USP45: variants seen among roughly 807,000 people sequenced by gnomAD.
USP45 encodes ubiquitin specific peptidase 45.
USP45 carries 89 observed loss-of-function variants against 95.8 expected under a neutral mutation model. The observed-to-expected ratio is 0.93, with a 90% CI of 0.78 to 1.11. The LOEUF (loss-of-function observed/expected upper bound fraction) is 1.11, where lower values mean the gene tolerates loss of function less well. Ranked by LOEUF, USP45 falls within the 50% of genes least tolerant of loss-of-function variation. USP45 has a pLI of 0.00. For synonymous variants in USP45, 281 were observed against 316.2 expected (o/e 0.89, Z 1.18); for missense variants, 898 against 942.5 (o/e 0.95, Z 0.62).
chr6:99,479,500 C>G (rs964741069), intron 8 of USP45, among the ~76,000 whole-genome samples: 27 of 150,858 alleles, frequency 1.8e-4, no homozygotes, highest in African/African-American at 5.6e-4. Context: ...TGTGTCTGGC[C>G]CCAGTAGTAC....
In USP45 at chr6:99,445,830, T is replaced by G; in HGVS notation, c.1942A>C (p.Lys648Gln). The change falls in exon 14 of 18, where the codon AAA (lysine) becomes CAA (glutamine). Residue 648 changes from lysine to glutamine, a missense_variant. Transcript: ENST00000500704. The stretch of plus-strand genomic sequence containing the variant: ...CTGGTTTCTTCTTGGTACTTCTGTT[T>G]GTTTTTAGTACAATTCTCACATAGA... ...KLLCENCTKN[K>Q]QKYQEETSFA... is the part of the protein sequence containing the mutation. The G allele has an allele frequency of 6.3e-7, 1 of 1,585,262 alleles. No individual in the cohort carries two copies.
At chr6:99,512,578 C>T (rs1458615223) in intron 1 of USP45, among the ~76,000 whole-genome samples, 1 of 152,186 alleles carries the variant, frequency 6.6e-6, no homozygotes, top group Non-Finnish European at 1.5e-5. Context: ...TCGCAATTTT[C>T]ATGGTTGCTG....
intron 7 of USP45, 116 bp downstream of exon 7, chr6:99,488,083 AT>A (rs1475858713): frequency 1.1e-5 from 7 of 659,774 alleles, no homozygotes; most frequent in Admixed American, 3.3e-5. Context: ...CTTTTAAATT[AT>A]TTTTAAGCCC....
At position 99,440,380 on chromosome 6, in the gene USP45, A is replaced by G. The variant is rs528052984; in HGVS notation, c.2074-525T>C. On this transcript the variant is annotated intron_variant, in intron 15 of 17. Transcript: ENST00000500704. ...CTATATATTACATCAATAAAATTGT[A>G]CTTTTATGTTCTTAAATATGCTCTC... Among the ~76,000 whole-genome samples the G allele has an allele frequency of 2.3e-3, 344 of 152,346 alleles. 1 individual carries two copies. The highest frequency in any genetic ancestry group is 8.0e-3 in the African/African-American group (333 of 41,582).
rs185417836 is a variant in USP45 at position 99,466,263 on chromosome 6, G to A, written c.1107+409C>T. Among the ~76,000 whole-genome samples, 19 of 152,146 alleles carry A rather than the reference G, an allele frequency of 1.2e-4. No homozygotes were observed. In the East Asian group the frequency reaches 2.9e-3, roughly 23 times the overall value. ...TTGAATTCCTGACCTCAAGTGATCC[G>A]CCGGCCTTGGCCTCCCAAAGTACTG... On this transcript the variant is annotated intron_variant, in intron 11 of 17. Transcript: ENST00000500704.
chr6:99,452,993 CAGGA>C (rs1784224345), intron 13 of USP45, among the ~76,000 whole-genome samples: 1 of 151,786 alleles, frequency 6.6e-6, no homozygotes, highest in African/African-American at 2.4e-5. Context: ...CACTTGGACA[CAGGA>C]AGGGGAAGAT....
chr6:99,502,626 T>G (rs1797632132), intron 5 of USP45, among the ~76,000 whole-genome samples: 1 of 152,228 alleles, frequency 6.6e-6, no homozygotes, highest in African/African-American at 2.4e-5. Flanking sequence ...CAAGTACTGA[T>G]ATGGTTTGGA....
Position 99,503,797 on chromosome 6 carries a change from AAATC to A in USP45, c.442_445del (p.Asp148PhefsTer18). The A allele has an allele frequency of 6.2e-7, 1 of 1,602,480 alleles. No individual in the cohort carries two copies. Among genetic ancestry groups the A allele is most frequent in the South Asian group, 1.1e-5 (1 of 87,774 alleles). ...TGTTTTAGAAGCATGTTTCTGGAGA[AAATC>A]AACTATCTGAGCCAAAACCTTCTTA... On this transcript the variant is annotated frameshift_variant, in exon 5 of 18. Transcript: ENST00000500704. LOFTEE classifies it high-confidence loss of function.
rs1271341711 is a variant in USP45 at position 99,488,277 on chromosome 6, T to C, written c.637A>G (p.Thr213Ala). The C allele has an allele frequency of 1.2e-6, 2 of 1,608,124 alleles. No individual in the cohort carries two copies. Among genetic ancestry groups the C allele is most frequent in the Non-Finnish European group, 1.7e-6 (2 of 1,178,170 alleles). ...AVMQNLAQTY[T>A]LTDLMNEIKE... ...ATCTCATTCATCAGATCAGTAAGAG[T>C]ATAAGTCTGTGCCAAGTTCTAAAAG... is the stretch of plus-strand genomic sequence containing the variant. Residue 213 changes from threonine (T) to alanine (A), a missense_variant, in exon 7 of 18, where the codon ACT (threonine) becomes GCT (alanine). Thr to Ala is a moderately conservative substitution (Grantham distance 58). Coordinates refer to ENST00000500704, the MANE Select transcript of USP45 (RefSeq NM_001346022.3).
chr6:99,504,569 A>G (rs751485079), intron 4 of USP45, among the ~76,000 whole-genome samples: 78 of 152,200 alleles, frequency 5.1e-4, no homozygotes, highest in Non-Finnish European at 9.7e-4. Context: ...CATTCTTTAT[A>G]TACATATTTG....
intron 8 of USP45, among the ~76,000 whole-genome samples, chr6:99,479,601 CA>C (rs34635892): frequency 2.7e-4 from 32 of 117,048 alleles, no homozygotes; most frequent in African/African-American, 8.2e-4. Context: ...TTCCAACAGA[CA>C]AAAAAAAAAA....
intron 5 of USP45, among the ~76,000 whole-genome samples, chr6:99,503,555 C>A (rs1379557598): frequency 6.6e-6 from 1 of 152,104 alleles, no homozygotes; most frequent in Non-Finnish European, 1.5e-5. Context: ...TGCTCTCAAA[C>A]CCTTGACCTC....
At chr6:99,460,574 G>A (rs1190737943) in intron 13 of USP45, among the ~76,000 whole-genome samples, 1 of 152,092 alleles carries the variant, frequency 6.6e-6, no homozygotes, top group Non-Finnish European at 1.5e-5. Flanking sequence ...TTAGCACCTA[G>A]GAAAAATGGT....
At chr6:99,454,948 G>C (rs552567984) in intron 13 of USP45, among the ~76,000 whole-genome samples, 1 of 151,938 alleles carries the variant, frequency 6.6e-6, no homozygotes, top group Non-Finnish European at 1.5e-5. Context: ...AAATAAGCCC[G>C]GTGTGATGGC....
At position 99,503,854 on chromosome 6, in the gene USP45, C is replaced by A; in HGVS notation, c.389G>T (p.Cys130Phe). The A allele has an allele frequency of 6.3e-7, 1 of 1,578,168 alleles. No homozygotes were observed. The highest frequency in any genetic ancestry group is 1.2e-5 in the South Asian group (1 of 82,514). The change falls in exon 5 of 18, where the codon TGT becomes TTT. Residue 130 changes from cysteine to phenylalanine, a missense_variant. Transcript: ENST00000500704. ...ACAATGCGTTGATAATTTTTCATCACATTCATAACACCTGAAAAAGTATAA... is the reference window on the plus strand; with the variant it reads ...ACAATGCGTTGATAATTTTTCATCAAATTCATAACACCTGAAAAAGTATAA... Reference protein sequence around the residue: ...LSTWIIWCYECDEKLSTHCNK... With the variant: ...LSTWIIWCYEFDEKLSTHCNK...
chr6:99,485,328 G>GAGCA (rs1793622944), intron 7 of USP45, among the ~76,000 whole-genome samples: 1 of 152,058 alleles, frequency 6.6e-6, no homozygotes, highest in Admixed American at 6.5e-5. Flanking sequence ...CTGGGTGACA[G>GAGCA]AGCAAGACTC....
intron 13 of USP45, among the ~76,000 whole-genome samples, chr6:99,452,993 C>A (rs190074370): frequency 1.8e-4 from 27 of 151,904 alleles, no homozygotes; most frequent in Admixed American, 7.9e-4. Context: ...CACTTGGACA[C>A]AGGAAGGGGA....
chr6:99,451,419 T>A (rs1783814165), intron 13 of USP45, among the ~76,000 whole-genome samples: 1 of 152,140 alleles, frequency 6.6e-6, no homozygotes, highest in South Asian at 2.1e-4. Context: ...ATGAGTGAAC[T>A]CCCATTCACA....
chr6:99,472,698 G>A (rs151046187), intron 9 of USP45, among the ~76,000 whole-genome samples: 41 of 152,116 alleles, frequency 2.7e-4, no homozygotes, highest in African/African-American at 8.7e-4. Context: ...TGTTCCCACC[G>A]TGCCAACATG....
Sources: gnomAD v4.1 joint callset for allele counts (sites outside exome capture counted in the v4.1 genomes callset) on GRCh38, gnomAD v4.1.1 for gene constraint, MANE v1.5 for transcripts, NCBI Gene and HGNC (gene_info 2026-07-23, HGNC 2026-07-21) for gene names.